Variants in HPSE2 observed in about 807,000 individuals in gnomAD.
The protein encoded by HPSE2 is inactive heparanase-2.
A neutral mutation model predicts 60.5 loss-of-function variants in HPSE2; 38 were observed. That is an observed-to-expected ratio of 0.63 (90% CI 0.48 to 0.82). The LOEUF (loss-of-function observed/expected upper bound fraction) is 0.82, where lower values mean the gene tolerates loss of function less well. HPSE2 is among the 40% of genes least tolerant of loss of function. The probability of loss-of-function intolerance (pLI) is 0.00; values close to 1 mark genes in which losing one functional copy is unlikely to be tolerated. For synonymous variants in HPSE2, 295 were observed against 293.2 expected (o/e 1.01, Z -0.06); for missense variants, 713 against 740.4 (o/e 0.96, Z 0.43).
chr10:99,093,104 T>C (rs532800938), intron 3 of HPSE2, among the ~76,000 whole-genome samples: 68 of 152,192 alleles, frequency 4.5e-4, no homozygotes, highest in African/African-American at 1.6e-3. Flanking sequence ...GGTGTGTGCC[T>C]GTAGTCCCAC....
intron 3 of HPSE2, among the ~76,000 whole-genome samples, chr10:98,835,268 A>G (rs1051803300): frequency 6.6e-6 from 1 of 152,226 alleles, no homozygotes; most frequent in South Asian, 2.1e-4. Flanking sequence ...AACACTTTAC[A>G]GGTCAAATGC....
chr10:99,177,795 C>T (rs1361097586), intron 2 of HPSE2, among the ~76,000 whole-genome samples: 2 of 152,142 alleles, frequency 1.3e-5, no homozygotes, highest in African/African-American at 2.4e-5. Context: ...CAGAACTCTC[C>T]GCCCCAAATC....
intron 3 of HPSE2, among the ~76,000 whole-genome samples, chr10:98,987,009 C>T (rs897775556): frequency 3.4e-4 from 51 of 152,036 alleles, no homozygotes; most frequent in African/African-American, 1.2e-3. Flanking sequence ...TAACAGCCTA[C>T]CAACCAAAAA....
intron 3 of HPSE2, among the ~76,000 whole-genome samples, chr10:98,854,223 T>A (rs1052323803): frequency 7.9e-5 from 12 of 152,178 alleles, no homozygotes; most frequent in African/African-American, 2.4e-4. Context: ...GTAATGACTA[T>A]TTTATGAGTT....
intron 3 of HPSE2, among the ~76,000 whole-genome samples, chr10:99,058,130 G>T (rs939983458): frequency 6.6e-6 from 1 of 152,160 alleles, no homozygotes. Context: ...CAGTTTTAGA[G>T]GGTTCCGGCA....
chr10:98,971,719 C>A (rs1198745411), intron 3 of HPSE2, among the ~76,000 whole-genome samples: 2 of 152,136 alleles, frequency 1.3e-5, no homozygotes, highest in Non-Finnish European at 2.9e-5. Context: ...CAGATTGTCA[C>A]AACTCCCCAC....
At chr10:99,047,445 T>C (rs565490350) in intron 3 of HPSE2, among the ~76,000 whole-genome samples, 51 of 152,226 alleles carry the variant, frequency 3.4e-4, no homozygotes, top group African/African-American at 1.2e-3. Context: ...CCAAAAGCAA[T>C]TGCAACATAA....
At chr10:98,588,861 G>A (rs1397547079) in intron 9 of HPSE2, among the ~76,000 whole-genome samples, 2 of 151,368 alleles carry the variant, frequency 1.3e-5, no homozygotes, top group Non-Finnish European at 3.0e-5. Context: ...GTACCTAGAT[G>A]GCATCTAGAA....
At chr10:98,724,341 A>G (rs1949011773) in intron 4 of HPSE2, among the ~76,000 whole-genome samples, 1 of 151,932 alleles carries the variant, frequency 6.6e-6, no homozygotes, top group Non-Finnish European at 1.5e-5. Flanking sequence ...AGTTTGTTAT[A>G]ATTTCTGTTC....
chr10:98,770,493 C>G (rs1950216646), intron 3 of HPSE2, among the ~76,000 whole-genome samples: 1 of 152,176 alleles, frequency 6.6e-6, no homozygotes, highest in South Asian at 2.1e-4. Flanking sequence ...TGCTTCTAGT[C>G]AATGACTGAA....
At chr10:99,086,688 C>T (rs1843334360) in intron 3 of HPSE2, among the ~76,000 whole-genome samples, 1 of 152,156 alleles carries the variant, frequency 6.6e-6, no homozygotes, top group South Asian at 2.1e-4. Context: ...TAAATAATTA[C>T]CTTTCTATAT....
At chr10:99,032,575 T>C (rs577872216) in intron 3 of HPSE2, among the ~76,000 whole-genome samples, 1 of 152,330 alleles carries the variant, frequency 6.6e-6, no homozygotes, top group Admixed American at 6.5e-5. Context: ...AGAAAAATTA[T>C]CTTGACACTT....
At chr10:99,118,534 A>AAG (rs1844804638) in intron 3 of HPSE2, among the ~76,000 whole-genome samples, 1 of 151,282 alleles carries the variant, frequency 6.6e-6, no homozygotes, top group Admixed American at 6.6e-5. Flanking sequence ...AAAAAAAAAA[A>AAG]AAAAAAACCA....
At chr10:98,488,575 T>TC (rs1427313178) in intron 10 of HPSE2, among the ~76,000 whole-genome samples, 2 of 152,172 alleles carry the variant, frequency 1.3e-5, no homozygotes, top group African/African-American at 4.8e-5. Flanking sequence ...AGATATTTTT[T>TC]CCCCCAAGTC....
At chr10:98,870,870 A>T (rs1406639760) in intron 3 of HPSE2, among the ~76,000 whole-genome samples, 1 of 151,822 alleles carries the variant, frequency 6.6e-6, no homozygotes, top group African/African-American at 2.4e-5. Flanking sequence ...CAGATCCCTC[A>T]TGAATGGCTT....
chr10:98,742,974 C>CTTTT (rs35772316), intron 4 of HPSE2, among the ~76,000 whole-genome samples: 45 of 99,580 alleles, frequency 4.5e-4, no homozygotes, highest in Non-Finnish European at 6.7e-4. Flanking sequence ...CTTTTCTTTT[C>CTTTT]TTTTTTTTTT....
rs534649247 is a variant in HPSE2, at chr10:98,604,571, A to G, written c.1320+10333T>C. ...AGGAATCGAAGAAATAATTGAAACA[A>G]TAATGACTGAGAATTTAGTAGTAGA... On this transcript the variant is annotated intron_variant, in intron 9 of 11. Coordinates refer to ENST00000370552, the MANE Select transcript of HPSE2 (RefSeq NM_021828.5). Among the ~76,000 whole-genome samples, 134 of 152,358 alleles carry G rather than the reference A, an allele frequency of 8.8e-4. 1 individual carries two copies. Among genetic ancestry groups the G allele is most frequent in the African/African-American group, 2.9e-3 (121 of 41,580 alleles).
chr10:99,228,830 A>G (rs1342022032), intron 2 of HPSE2, among the ~76,000 whole-genome samples: 1 of 152,196 alleles, frequency 6.6e-6, no homozygotes, highest in Non-Finnish European at 1.5e-5. Flanking sequence ...CAGAAGACAC[A>G]TGAGTTGTTA....
chr10:99,212,450 T>C (rs186511254), intron 2 of HPSE2, among the ~76,000 whole-genome samples: 1 of 152,198 alleles, frequency 6.6e-6, no homozygotes, highest in African/African-American at 2.4e-5. Flanking sequence ...GTGGTATATA[T>C]ACATATACAA....
Sources: gnomAD v4.1 joint callset for allele counts (sites outside exome capture counted in the v4.1 genomes callset) on GRCh38, gnomAD v4.1.1 for gene constraint, MANE v1.5 for transcripts, NCBI Gene and HGNC (gene_info 2026-07-23, HGNC 2026-07-21) for gene names.